The following ARPP21 variants were observed in gnomAD, a reference collection of about 807,000 sequenced individuals.
The protein encoded by ARPP21 is cAMP-regulated phosphoprotein 21.
ARPP21 carries 69 observed loss-of-function variants against 113.2 expected under a neutral mutation model. That is an observed-to-expected ratio of 0.61 (90% CI 0.50 to 0.74). ARPP21 has a LOEUF of 0.74. Among genes scored for constraint, ARPP21 ranks in the 30% least tolerant of loss-of-function variants. ARPP21 has a pLI of 0.00. For synonymous variants in ARPP21, 368 were observed against 375.5 expected (o/e 0.98, Z 0.23); for missense variants, 1,070 against 1,037.4 (o/e 1.03, Z -0.43).
chr3:35,749,486 T>A (rs1432620705), intron 19 of ARPP21, among the ~76,000 whole-genome samples: 1 of 150,604 alleles, frequency 6.6e-6, no homozygotes, highest in Non-Finnish European at 1.5e-5. Context: ...TCTATGTGTG[T>A]TCTTAAATGG....
rs1242939167 is a variant in ARPP21, at chr3:35,707,177, C to T, written c.795+95C>T. 3 of 866,912 alleles carry T rather than the reference C, an allele frequency of 3.5e-6. No homozygotes were observed. In the Admixed American group the frequency reaches 6.1e-5, roughly 18 times the overall value. 53.7% of individuals were successfully genotyped at this position (866,912 alleles called of 1,614,324 possible). ...TCCCTCTGTTGTCCCTGCCTTCCCT[C>T]CAATCCTCCCCTGCCTCTGATACCA... is the stretch of plus-strand genomic sequence containing the variant. On this transcript the variant is annotated intron_variant, in intron 10 of 20. Transcript: ENST00000684406.
Position 35,717,315 on chromosome 3 carries a change from G to A in ARPP21, c.953G>A (p.Ser318Asn). 6.2e-7 allele frequency: 1 copy of A among 1,605,354 alleles called. No homozygotes were observed. Among genetic ancestry groups the A allele is most frequent in the Non-Finnish European group, 8.5e-7 (1 of 1,172,444 alleles). Residue 318 changes from serine to asparagine, a missense_variant, in exon 13 of 21, where the codon AGT becomes AAT. Ser to Asn is a conservative substitution (Grantham distance 46). Transcript: ENST00000684406. ...FVENSRLLED[S>N]NICNETYKKR... ...ATTTCCAGTAGGCTCTTGGAAGACA[G>A]TAACATATGCAATGAGACCTATAAG...
intron 1 of ARPP21, among the ~76,000 whole-genome samples, chr3:35,658,567 C>T (rs566768202): frequency 6.6e-6 from 1 of 152,068 alleles, no homozygotes; most frequent in Non-Finnish European, 1.5e-5. Flanking sequence ...ATATCAATTT[C>T]TCTTGGTTAC....
chr3:35,773,196 C>A (rs1025708364), intron 19 of ARPP21, among the ~76,000 whole-genome samples: 1 of 152,056 alleles, frequency 6.6e-6, no homozygotes. Context: ...TGAATTTCAA[C>A]TTCAAATCGT....
At chr3:35,749,613 ATCT>A (rs1487566444) in intron 19 of ARPP21, among the ~76,000 whole-genome samples, 2 of 152,004 alleles carry the variant, frequency 1.3e-5, no homozygotes, top group East Asian at 3.9e-4. Context: ...TTGGTACTAA[ATCT>A]TCTTTAAATG....
rs939533581 is a variant in ARPP21, at chr3:35,739,516, A to G, written c.1949A>G (p.Gln650Arg). ...TCAGGCTCTGGCCCTCCCATCTCCCAGCAGGTCCTCCAGCCCCCTCCCTCA... is the reference window on the plus strand; with the variant it reads ...TCAGGCTCTGGCCCTCCCATCTCCCGGCAGGTCCTCCAGCCCCCTCCCTCA... ...GFSGSGPPISQQVLQPPPSPQ... is the reference protein window; with the variant it reads ...GFSGSGPPISRQVLQPPPSPQ... Residue 650 changes from glutamine (Q) to arginine (R), a missense_variant, in exon 18 of 21, where the codon CAG becomes CGG. Coordinates refer to ENST00000684406, the MANE Select transcript of ARPP21 (RefSeq NM_001385562.1). The G allele has an allele frequency of 6.2e-7, 1 of 1,614,072 alleles. No homozygotes were observed. The highest frequency in any genetic ancestry group is 1.3e-5 in the African/African-American group (1 of 75,026).
intron 1 of ARPP21, among the ~76,000 whole-genome samples, chr3:35,668,488 T>A (rs991744163): frequency 6.6e-6 from 1 of 152,010 alleles, no homozygotes; most frequent in African/African-American, 2.4e-5. Flanking sequence ...CCAAGCCCCA[T>A]ATGAGTGGTC....
chr3:35,790,295 T>C (rs1358166914), intron 19 of ARPP21, among the ~76,000 whole-genome samples: 1 of 152,208 alleles, frequency 6.6e-6, no homozygotes, highest in African/African-American at 2.4e-5. Context: ...GCTGTAGAAC[T>C]AAATCAGAAG....
intron 19 of ARPP21, among the ~76,000 whole-genome samples, chr3:35,751,968 T>C (rs1367852805): frequency 2.0e-5 from 3 of 152,058 alleles, no homozygotes. Flanking sequence ...TCATTACCTA[T>C]CCCCACTCAT....
chr3:35,692,251 A>C (rs566293246), intron 9 of ARPP21, among the ~76,000 whole-genome samples: 98 of 151,736 alleles, frequency 6.5e-4, no homozygotes, highest in Non-Finnish European at 1.1e-3. Flanking sequence ...ACATTTTAAA[A>C]ATTTATCAGG....
At chr3:35,668,014 GA>G (rs1553646379) in intron 1 of ARPP21, among the ~76,000 whole-genome samples, 50 of 149,852 alleles carry the variant, frequency 3.3e-4, no homozygotes, top group East Asian at 9.8e-4. Flanking sequence ...AGAAGAAGAA[GA>G]AGAAGAAGAA....
intron 11 of ARPP21, among the ~76,000 whole-genome samples, chr3:35,710,696 T>C (rs750061263): frequency 3.5e-4 from 54 of 152,262 alleles, no homozygotes; most frequent in Non-Finnish European, 6.3e-4. Flanking sequence ...ATGCTGTTTT[T>C]AAAGTTGTGT....
intron 13 of ARPP21, among the ~76,000 whole-genome samples, chr3:35,720,814 C>T (rs1444546454): frequency 6.6e-6 from 1 of 152,196 alleles, no homozygotes; most frequent in Non-Finnish European, 1.5e-5. Flanking sequence ...TCTTCCAATA[C>T]ATTTACTCTT....
At chr3:35,702,701 T>C (rs1446226145) in intron 9 of ARPP21, among the ~76,000 whole-genome samples, 1 of 151,756 alleles carries the variant, frequency 6.6e-6, no homozygotes, top group Non-Finnish European at 1.5e-5. Context: ...ATAAAGAACA[T>C]TGGCTACTTA....
intron 19 of ARPP21, among the ~76,000 whole-genome samples, chr3:35,778,862 G>T (rs751638016): frequency 8.5e-5 from 13 of 152,170 alleles, no homozygotes; most frequent in Non-Finnish European, 1.8e-4. Context: ...ACCAGGAATT[G>T]TTACTATTAG....
chr3:35,691,453 T>C (rs1444160158), intron 9 of ARPP21, among the ~76,000 whole-genome samples: 1 of 151,664 alleles, frequency 6.6e-6, no homozygotes, highest in Non-Finnish European at 1.5e-5. Flanking sequence ...GCTCCGAACC[T>C]AGAGGCAGAA....
intron 10 of ARPP21, among the ~76,000 whole-genome samples, 180 bp downstream of exon 10, chr3:35,707,262 CA>C (rs1000572175): frequency 2.0e-5 from 3 of 150,566 alleles, no homozygotes; most frequent in Admixed American, 1.3e-4. Context: ...CAATGGGTAG[CA>C]AAAAAAAATA....
chr3:35,659,055 A>C (rs1334192689), intron 1 of ARPP21, among the ~76,000 whole-genome samples: 1 of 152,152 alleles, frequency 6.6e-6, no homozygotes, highest in Non-Finnish European at 1.5e-5. Flanking sequence ...CACAGCGGGA[A>C]CCCCACACAG....
chr3:35,679,464 C>T (rs2078319202), intron 1 of ARPP21, among the ~76,000 whole-genome samples: 1 of 149,844 alleles, frequency 6.7e-6, no homozygotes, highest in Non-Finnish European at 1.5e-5. Context: ...CTCATTGAGG[C>T]AAACACACAA....
Sources: allele counts gnomAD v4.1 joint callset (sites outside exome capture counted in the v4.1 genomes callset), GRCh38; gene constraint gnomAD v4.1.1; transcripts MANE v1.5; gene names NCBI Gene and HGNC (gene_info 2026-07-23, HGNC 2026-07-21).